PCDHGA12: variants seen among roughly 807,000 people sequenced by gnomAD.
PCDHGA12 encodes the protein protocadherin gamma subfamily A, 12, also known as protocadherin gamma-A12.
In PCDHGA12, 43 loss-of-function variants were observed where a neutral mutation model predicts 61.1. The observed-to-expected ratio is 0.70, with a 90% CI of 0.55 to 0.91. PCDHGA12 has a LOEUF of 0.91. PCDHGA12 is among the 40% of genes least tolerant of loss of function. The pLI, the probability that PCDHGA12 is intolerant of heterozygous loss-of-function variation, is 0.00. For missense variants in PCDHGA12, 1,236 were observed against 1,227.7 expected, an observed-to-expected ratio of 1.01 and a Z score of -0.10; for synonymous variants, 520 against 542.9, an observed-to-expected ratio of 0.96 and a Z score of 0.59.
chr5:141,472,850 G>A (rs1230517294), intron 1 of PCDHGA12, among the ~76,000 whole-genome samples: 1 of 151,876 alleles, frequency 6.6e-6, no homozygotes, highest in Admixed American at 6.6e-5. Flanking sequence ...GCTGGGCATG[G>A]TGGCACATGC....
chr5:141,489,794 T>TA lies in PCDHGA12; in HGVS notation c.2425-5009dup. The TA allele has an allele frequency of 1.2e-6, 2 of 1,614,120 alleles. No homozygotes were observed. The highest frequency in any genetic ancestry group is 2.2e-5 in the South Asian group (2 of 91,076). The stretch of plus-strand genomic sequence containing the variant: ...CACTTCTCTCTGAATGTGAAGACCC[T>TA]AAAAGATGGGAAGCCATTCCCAGAG... On this transcript the variant is annotated intron_variant, in intron 1 of 3. Transcript: ENST00000252085. This position sits in a 1 kb window ranked among gnomAD's most constrained non-coding sequence, Gnocchi z 4.5.
intron 1 of PCDHGA12, among the ~76,000 whole-genome samples, chr5:141,465,017 C>T (rs1278815002): frequency 6.6e-6 from 1 of 152,132 alleles, no homozygotes; most frequent in Non-Finnish European, 1.5e-5. Context: ...GCTAAGATTA[C>T]AGCCATGAAC....
In PCDHGA12 at chr5:141,432,611, T is replaced by G. The variant is rs141541670; in HGVS notation, c.1852T>G (p.Ser618Ala). The G allele has an allele frequency of 4.2e-4, 676 of 1,613,808 alleles. 1 individual carries two copies. The African/African-American group carries it at 5.6e-3, about 13-fold the overall frequency. Residue 618 changes from serine to alanine, a missense_variant, in exon 1 of 4, where the codon TCG (serine) becomes GCG (alanine). Coordinates refer to ENST00000252085, the MANE Select transcript of PCDHGA12 (RefSeq NM_003735.3). This position sits in a 1 kb window ranked among gnomAD's most constrained non-coding sequence, Gnocchi z 6.0. ...CAAGGCCAGCGAGCCGGGACTCTTC[T>G]CGGTGGGTCTGCACACGGGCGAGGT... ...LLKASEPGLFSVGLHTGEVRT... is the reference protein window; with the variant it reads ...LLKASEPGLFAVGLHTGEVRT...
At chr5:141,444,434 G>A (rs761353277) in intron 1 of PCDHGA12, among the ~76,000 whole-genome samples, 16 of 152,196 alleles carry the variant, frequency 1.1e-4, no homozygotes, top group Admixed American at 7.2e-4. Flanking sequence ...GCCTCCCAAA[G>A]TGCTGGGATT....
chr5:141,489,942 C>T lies in PCDHGA12; in HGVS notation c.2425-4865C>T. On this transcript the variant is annotated intron_variant, in intron 1 of 3. Transcript: ENST00000252085. The surrounding 1 kb of genome is among the most constrained non-coding windows in gnomAD (Gnocchi z 4.5). ...CCCTTATCTCTGTCATCGTGCTGGA[C>T]ATCAATGATAATGCTCCAACCTTCC... 2 of 1,614,170 alleles carry T rather than the reference C, an allele frequency of 1.2e-6. No homozygotes were observed. The highest frequency in any genetic ancestry group is 1.7e-6 in the Non-Finnish European group (2 of 1,179,984).
Position 141,491,964 on chromosome 5 carries a change from C to A in PCDHGA12, c.2425-2843C>A. On this transcript the variant is annotated intron_variant, in intron 1 of 3. Transcript: ENST00000252085. The surrounding 1 kb of genome is among the most constrained non-coding windows in gnomAD (Gnocchi z 6.9). ...CCCCACCCCTACACTCAAAAAAGGC[C>A]GGGGCCTCCTTCGAGCTTCCGGTGA... The A allele has an allele frequency of 1.1e-6, 1 of 943,952 alleles. No homozygotes were observed. The highest frequency in any genetic ancestry group is 1.5e-6 in the Non-Finnish European group (1 of 671,094). 58.5% of individuals were successfully genotyped at this position (943,952 alleles called of 1,614,324 possible). A position where few individuals can be genotyped will look rare whatever the true frequency, so the allele number is the denominator to read the frequency against.
At chr5:141,448,331 A>T (rs2098582637) in intron 1 of PCDHGA12, among the ~76,000 whole-genome samples, 1 of 152,146 alleles carries the variant, frequency 6.6e-6, no homozygotes, top group Non-Finnish European at 1.5e-5. Flanking sequence ...GAATCTTTAT[A>T]GCCATGTACC....
chr5:141,430,780 C>G lies in PCDHGA12; in HGVS notation c.21C>G (p.His7Gln). ...TAAGAATGATTCCTGCGCGACTGCACCGGGACTACAAAGGGCTTGTCCTGC... is the reference window on the plus strand; with the variant it reads ...TAAGAATGATTCCTGCGCGACTGCAGCGGGACTACAAAGGGCTTGTCCTGC... MIPARL[H>Q]RDYKGLVLLG... The change falls in exon 1 of 4, where the codon CAC (histidine) becomes CAG (glutamine). Residue 7 changes from histidine (H) to glutamine (Q), a missense_variant. His to Gln is a conservative substitution (Grantham distance 24). Transcript: ENST00000252085. 6.6e-7 allele frequency: 1 copy of G among 1,511,476 alleles called. No individual in the cohort carries two copies. Among genetic ancestry groups the G allele is most frequent in the Non-Finnish European group, 8.8e-7 (1 of 1,131,282 alleles). 93.6% of individuals were successfully genotyped at this position (1,511,476 alleles called of 1,614,324 possible).
At chr5:141,447,938 T>G in intron 1 of PCDHGA12, among the ~76,000 whole-genome samples, 1 of 151,870 alleles carries the variant, frequency 6.6e-6, no homozygotes, top group Admixed American at 6.6e-5. Flanking sequence ...ATACAAAAAT[T>G]AGCTGGGCAT....
Position 141,431,132 on chromosome 5 carries a change from G to A in PCDHGA12, c.373G>A (p.Asp125Asn). Residue 125 changes from aspartate to asparagine, a missense_variant, in exon 1 of 4, where the codon GAC (aspartate) becomes AAC (asparagine). Physicochemically the swap from Asp to Asn is conservative, Grantham distance 23. Coordinates refer to ENST00000252085, the MANE Select transcript of PCDHGA12 (RefSeq NM_003735.3). This position sits in a 1 kb window ranked among gnomAD's most constrained non-coding sequence, Gnocchi z 4.8. ...ATATGGAGTAGAAGTAGAAGTAAGGGACATTAACGACAATGCGCCTTACTT... is the reference window on the plus strand; with the variant it reads ...ATATGGAGTAGAAGTAGAAGTAAGGAACATTAACGACAATGCGCCTTACTT... ...KIYGVEVEVRDINDNAPYFRE... is the reference protein window; with the variant it reads ...KIYGVEVEVRNINDNAPYFRE... 2 of 1,614,232 alleles carry A rather than the reference G, an allele frequency of 1.2e-6. No individual in the cohort carries two copies. The highest frequency in any genetic ancestry group is 8.5e-7 in the Non-Finnish European group (1 of 1,180,024).
intron 1 of PCDHGA12, among the ~76,000 whole-genome samples, chr5:141,492,437 C>T (rs182333697): frequency 8.5e-5 from 13 of 152,332 alleles, no homozygotes; most frequent in Admixed American, 8.5e-4. Flanking sequence ...CAGGAGTACT[C>T]GTAGCTGATT....
chr5:141,477,611 C>T lies in PCDHGA12; in HGVS notation c.2425-17196C>T. On this transcript the variant is annotated intron_variant, in intron 1 of 3. Coordinates refer to ENST00000252085, the MANE Select transcript of PCDHGA12 (RefSeq NM_003735.3). This position sits in a 1 kb window ranked among gnomAD's most constrained non-coding sequence, Gnocchi z 4.9. ...TCGGCTTTCTTTCTTTCTCTTGGAG[C>T]AAGGAGCTGAAACCGGGCTAGTGGG... is the stretch of plus-strand genomic sequence containing the variant. The T allele has an allele frequency of 6.2e-7, 1 of 1,614,188 alleles. No homozygotes were observed. The highest frequency in any genetic ancestry group is 8.5e-7 in the Non-Finnish European group (1 of 1,180,036).
intron 3 of PCDHGA12, among the ~76,000 whole-genome samples, chr5:141,510,511 T>C (rs2099881465): frequency 6.6e-6 from 1 of 152,142 alleles, no homozygotes; most frequent in Non-Finnish European, 1.5e-5. Context: ...TGAGAGCCCG[T>C]GTCACAGCCC....
chr5:141,430,744 C>T lies in PCDHGA12; in HGVS notation c.-16C>T. On this transcript the variant is annotated 5_prime_UTR_variant, in exon 1 of 4. Transcript: ENST00000252085. ...GTTAAGGGCAGAATTGAAAATAATT[C>T]TGGAGGAAGATAAGAATGATTCCTG... 1 of 1,498,404 alleles carries T rather than the reference C, an allele frequency of 6.7e-7. No individual in the cohort carries two copies. The highest frequency in any genetic ancestry group is 8.9e-7 in the Non-Finnish European group (1 of 1,125,364). 92.8% of individuals were successfully genotyped at this position (1,498,404 alleles called of 1,614,324 possible). A position where few individuals can be genotyped will look rare whatever the true frequency, so the allele number is the denominator to read the frequency against.
chr5:141,491,817 G>T lies in PCDHGA12; in HGVS notation c.2425-2990G>T. On this transcript the variant is annotated intron_variant, in intron 1 of 3. Transcript: ENST00000252085. The surrounding 1 kb of genome is among the most constrained non-coding windows in gnomAD (Gnocchi z 6.9). ...TCTCCGGCCGGCTTGGTCGCTGGCT[G>T]CGCTCCACCCGATTCTCGGGATCAT... 1.3e-6 allele frequency: 2 copies of T among 1,484,188 alleles called. No homozygotes were observed. The highest frequency in any genetic ancestry group is 1.8e-6 in the Non-Finnish European group (2 of 1,117,664). 91.9% of individuals were successfully genotyped at this position (1,484,188 alleles called of 1,614,324 possible).
At chr5:141,446,039 A>G (rs1349676116) in intron 1 of PCDHGA12, among the ~76,000 whole-genome samples, 1 of 152,180 alleles carries the variant, frequency 6.6e-6, no homozygotes, top group African/African-American at 2.4e-5. Context: ...TAAGAAATGG[A>G]AGAAGAGCTG....
intron 1 of PCDHGA12, among the ~76,000 whole-genome samples, chr5:141,462,479 GGTT>G (rs1329069527): frequency 6.6e-6 from 1 of 151,838 alleles, no homozygotes; most frequent in Non-Finnish European, 1.5e-5. Flanking sequence ...TGCTTCTCGT[GGTT>G]GTTGTATCCT....
At position 141,431,374 on chromosome 5, in the gene PCDHGA12, G is replaced by T. The variant is rs1561851775; in HGVS notation, c.615G>T (p.Lys205Asn). Residue 205 changes from lysine (K) to asparagine (N), a missense_variant, in exon 1 of 4, where the codon AAG becomes AAT. Coordinates refer to ENST00000252085, the MANE Select transcript of PCDHGA12 (RefSeq NM_003735.3). The surrounding 1 kb of genome is among the most constrained non-coding windows in gnomAD (Gnocchi z 4.8). ...VLKRALDREEKAAHHLVLTAS... is the reference protein window; with the variant it reads ...VLKRALDREENAAHHLVLTAS... ...AACGCGCCCTGGACCGCGAAGAAAA[G>T]GCTGCTCACCACCTGGTCCTTACGG... 1.9e-6 allele frequency: 3 copies of T among 1,613,862 alleles called. No individual in the cohort carries two copies. Among genetic ancestry groups the T allele is most frequent in the Non-Finnish European group, 2.5e-6 (3 of 1,180,044 alleles).
At position 141,432,476 on chromosome 5, in the gene PCDHGA12, A is replaced by T. The variant is rs778378071; in HGVS notation, c.1717A>T (p.Thr573Ser). Residue 573 changes from threonine (T) to serine (S), a missense_variant, in exon 1 of 4, where the codon ACT becomes TCT. By Grantham distance (58) the Thr-to-Ser change is moderately conservative (BLOSUM62 1). Transcript: ENST00000252085. This position sits in a 1 kb window ranked among gnomAD's most constrained non-coding sequence, Gnocchi z 6.0. ...CCCCGCCCTCCCCACGGACGGTTCC[A>T]CTGGCGTGGAGCTGGCTCCCCGCTC... ...LYPALPTDGS[T>S]GVELAPRSAE... 4.6e-5 allele frequency: 75 copies of T among 1,613,962 alleles called. No homozygotes were observed. In the South Asian group the frequency reaches 7.9e-4, roughly 17 times the overall value.
Sources: allele counts gnomAD v4.1 joint callset (sites outside exome capture counted in the v4.1 genomes callset), GRCh38; gene constraint gnomAD v4.1.1; non-coding constraint Gnocchi (gnomAD v3.1); transcripts MANE v1.5; gene names NCBI Gene and HGNC (gene_info 2026-07-23, HGNC 2026-07-21).